The following SPOCK3 variants were observed in gnomAD, a reference collection of about 807,000 sequenced individuals.
SPOCK3 encodes testican-3.
A neutral mutation model predicts 56.6 loss-of-function variants in SPOCK3; 30 were observed. The observed-to-expected ratio is 0.53, with a 90% CI of 0.40 to 0.72. The LOEUF is 0.72. SPOCK3 is among the 30% of genes least tolerant of loss of function. SPOCK3 has a pLI of 0.00. For missense variants in SPOCK3, 527 were observed against 530.0 expected (o/e 0.99, Z 0.06); for synonymous variants, 196 against 183.3 (o/e 1.07, Z -0.56).
intron 2 of SPOCK3, among the ~76,000 whole-genome samples, chr4:167,085,661 T>C (rs1758127467): frequency 6.6e-6 from 1 of 152,156 alleles, no homozygotes; most frequent in African/African-American, 2.4e-5. Flanking sequence ...ATTCTAGGAA[T>C]GACTGGATTT....
intron 4 of SPOCK3, among the ~76,000 whole-genome samples, chr4:166,988,433 C>T (rs1431402748): frequency 7.2e-5 from 11 of 151,822 alleles, no homozygotes; most frequent in Admixed American, 7.2e-4. Flanking sequence ...TTTACAGTAG[C>T]ATTTTATAAA....
chr4:167,147,959 A>G (rs556979521), intron 2 of SPOCK3, among the ~76,000 whole-genome samples: 2 of 150,348 alleles, frequency 1.3e-5, no homozygotes, highest in South Asian at 4.3e-4. Flanking sequence ...AAAGTATAAT[A>G]AAAAGAAAGA....
At chr4:166,873,039 G>A (rs757166480) in intron 6 of SPOCK3, among the ~76,000 whole-genome samples, 22 of 151,988 alleles carry the variant, frequency 1.4e-4, no homozygotes, top group Admixed American at 7.9e-4. Flanking sequence ...CACGCCTTTC[G>A]GAGGGCATTA....
intron 7 of SPOCK3, among the ~76,000 whole-genome samples, chr4:166,771,046 T>C (rs1037631): frequency 0.46 from 68,149 of 148,430 alleles, 16,166 homozygotes; most frequent in African/African-American, 0.51. Flanking sequence ...GTATGATAGA[T>C]TATATAAATA....
At chr4:167,004,673 AG>A (rs1256291199) in intron 3 of SPOCK3, among the ~76,000 whole-genome samples, 1 of 152,138 alleles carries the variant, frequency 6.6e-6, no homozygotes, top group Non-Finnish European at 1.5e-5. Context: ...GATGGAGAAG[AG>A]GGGATGCATT....
intron 2 of SPOCK3, among the ~76,000 whole-genome samples, chr4:167,211,179 G>A (rs1046152723): frequency 5.3e-5 from 8 of 152,080 alleles, no homozygotes; most frequent in Non-Finnish European, 8.8e-5. Context: ...ACTTGCGTGC[G>A]GCCTGTAGCC....
chr4:167,132,796 C>T (rs562997819), intron 2 of SPOCK3, among the ~76,000 whole-genome samples: 8 of 152,256 alleles, frequency 5.3e-5, no homozygotes, highest in African/African-American at 1.9e-4. Flanking sequence ...TCCATCTACA[C>T]ACTTTCTCCT....
rs115632115 is a variant in SPOCK3 at position 166,770,672 on chromosome 4, G to A, written c.710-15943C>T. ...CAAGATGGAAGTTTTAAACACAACC[G>A]TATTGACAATCATTAAATTAATATG... is the stretch of plus-strand genomic sequence containing the variant. On this transcript the variant is annotated intron_variant, in intron 7 of 10. Transcript: ENST00000357545. 3.4e-3 allele frequency among the ~76,000 whole-genome samples: 515 copies of A among 152,212 alleles called. 3 individuals carry two copies. Among genetic ancestry groups the A allele is most frequent in the African/African-American group, 0.011 (455 of 41,540 alleles).
intron 4 of SPOCK3, among the ~76,000 whole-genome samples, chr4:166,996,058 T>C (rs910355883): frequency 6.6e-6 from 1 of 152,168 alleles, no homozygotes; most frequent in East Asian, 1.9e-4. Context: ...AATTCCAAGA[T>C]TGCATAGTTA....
intron 2 of SPOCK3, among the ~76,000 whole-genome samples, chr4:167,212,263 GT>G (rs1734948185): frequency 6.6e-6 from 1 of 151,304 alleles, no homozygotes; most frequent in South Asian, 2.1e-4. Flanking sequence ...TTGAAACAGA[GT>G]TTCTTTCACT....
At chr4:167,217,111 T>C (rs897149972) in intron 2 of SPOCK3, among the ~76,000 whole-genome samples, 4 of 152,132 alleles carry the variant, frequency 2.6e-5, no homozygotes, top group Non-Finnish European at 5.9e-5. Flanking sequence ...GTGGCTACTT[T>C]ATTTGCCTTT....
At chr4:166,899,607 A>C (rs1468170624) in intron 5 of SPOCK3, among the ~76,000 whole-genome samples, 1 of 149,486 alleles carries the variant, frequency 6.7e-6, no homozygotes, top group Non-Finnish European at 1.5e-5. Context: ...CCCAGGTTAA[A>C]GCGATTCTCC....
intron 2 of SPOCK3, among the ~76,000 whole-genome samples, chr4:167,082,816 G>A (rs1757842915): frequency 6.7e-6 from 1 of 148,932 alleles, no homozygotes. Flanking sequence ...ACAGAGGGAG[G>A]GAGGGAAGAC....
chr4:166,789,715 T>G (rs995888638), intron 7 of SPOCK3, among the ~76,000 whole-genome samples: 4 of 152,142 alleles, frequency 2.6e-5, no homozygotes, highest in Non-Finnish European at 5.9e-5. Context: ...AAAATACAAA[T>G]TTAATTAACA....
At chr4:167,098,729 T>C (rs1305186844) in intron 2 of SPOCK3, among the ~76,000 whole-genome samples, 1 of 152,002 alleles carries the variant, frequency 6.6e-6, no homozygotes, top group Non-Finnish European at 1.5e-5. Context: ...AGCATTTTAA[T>C]TAACTCGCTT....
chr4:166,765,502 T>C (rs1341079089), intron 7 of SPOCK3, among the ~76,000 whole-genome samples: 4 of 152,174 alleles, frequency 2.6e-5, no homozygotes, highest in Admixed American at 2.0e-4. Context: ...GTTGTAGATG[T>C]GTGGTATTAT....
At chr4:166,833,355 T>C (rs1343917185) in intron 6 of SPOCK3, among the ~76,000 whole-genome samples, 2 of 152,166 alleles carry the variant, frequency 1.3e-5, no homozygotes, top group Non-Finnish European at 2.9e-5. Flanking sequence ...GTCAGTTATG[T>C]CAAGCTGGTT....
At chr4:167,225,126 A>C (rs1023061356) in intron 2 of SPOCK3, among the ~76,000 whole-genome samples, 2 of 152,198 alleles carry the variant, frequency 1.3e-5, no homozygotes, top group East Asian at 1.9e-4. Flanking sequence ...CACATATAAA[A>C]ACAGGAAGAA....
intron 2 of SPOCK3, among the ~76,000 whole-genome samples, chr4:167,165,511 C>T (rs866723500): frequency 1.3e-5 from 2 of 152,002 alleles, no homozygotes; most frequent in Admixed American, 6.6e-5. Flanking sequence ...CAGTGAGATG[C>T]CATCTCACAC....
Sources: gnomAD v4.1 joint callset for allele counts (sites outside exome capture counted in the v4.1 genomes callset) on GRCh38, gnomAD v4.1.1 for gene constraint, MANE v1.5 for transcripts, NCBI Gene and HGNC (gene_info 2026-07-23, HGNC 2026-07-21) for gene names.